Variants in DCDC1 observed in about 807,000 individuals in gnomAD.
The protein encoded by DCDC1 is doublecortin domain-containing protein 1.
A neutral mutation model predicts 178.3 loss-of-function variants in DCDC1; 200 were observed. The observed-to-expected ratio is 1.12, with a 90% CI of 1.00 to 1.26. The LOEUF is 1.26. DCDC1 is among the 50% of genes most tolerant of loss of function. The pLI is 0.00. For synonymous variants in DCDC1, 690 were observed against 604.8 expected, an observed-to-expected ratio of 1.14 and a Z score of -2.07; for missense variants, 1,983 against 1,749.2, an observed-to-expected ratio of 1.13 and a Z score of -2.38.
chr11:31,209,368 A>G (rs557714900), intron 9 of DCDC1, among the ~76,000 whole-genome samples: 4 of 152,338 alleles, frequency 2.6e-5, no homozygotes, highest in Admixed American at 1.3e-4. Context: ...TGAGAGGGGA[A>G]GTAAAACCAG....
chr11:30,952,564 C>A lies in DCDC1; in HGVS notation c.2596G>T (p.Ala866Ser). Residue 866 changes from alanine to serine, a missense_variant, in exon 21 of 39, where the codon GCC (alanine) becomes TCC (serine). By Grantham distance (99) the Ala-to-Ser change is moderately conservative. Transcript: ENST00000684477. ...TTACTGGTTCCTTCATGTTTTATGG[C>A]CCACCTAAAACAAAAGATAAAAAAC... The part of the protein sequence containing the change: ...KHPKASAQRW[A>S]IKHEGTSKPG... 3 of 1,317,762 alleles carry A rather than the reference C, an allele frequency of 2.3e-6. No homozygotes were observed. Among genetic ancestry groups the A allele is most frequent in the Non-Finnish European group, 2.1e-6 (2 of 941,514 alleles). 81.6% of individuals were successfully genotyped at this position (1,317,762 alleles called of 1,614,324 possible). A position where few individuals can be genotyped will look rare whatever the true frequency, so the allele number is the denominator to read the frequency against.
intron 9 of DCDC1, among the ~76,000 whole-genome samples, chr11:31,225,132 T>C (rs1352551230): frequency 1.3e-5 from 2 of 151,972 alleles, no homozygotes; most frequent in Admixed American, 6.6e-5. Context: ...AATCAACAAG[T>C]GGCTAAAGAA....
At chr11:31,354,468 T>C (rs1351413309) in intron 1 of DCDC1, among the ~76,000 whole-genome samples, 1 of 152,214 alleles carries the variant, frequency 6.6e-6, no homozygotes, top group Non-Finnish European at 1.5e-5. Context: ...AAGATGTCAT[T>C]GGAAACTGGA....
At chr11:31,207,550 T>C (rs565323982) in intron 9 of DCDC1, among the ~76,000 whole-genome samples, 121 of 152,314 alleles carry the variant, frequency 7.9e-4, no homozygotes, top group African/African-American at 2.9e-3. Flanking sequence ...CTCCATCCTT[T>C]TCCCTGTTAC....
intron 20 of DCDC1, among the ~76,000 whole-genome samples, chr11:31,047,758 T>C (rs1954945852): frequency 1.3e-5 from 2 of 152,208 alleles, no homozygotes; most frequent in African/African-American, 4.8e-5. Context: ...TAAAGACCAC[T>C]GTAATACTAT....
intron 9 of DCDC1, among the ~76,000 whole-genome samples, chr11:31,202,840 A>G (rs1057360489): frequency 6.6e-6 from 1 of 152,174 alleles, no homozygotes; most frequent in Admixed American, 6.5e-5. Context: ...AAAAGAGGCC[A>G]GGAAAAAACA....
intron 9 of DCDC1, among the ~76,000 whole-genome samples, chr11:31,228,201 C>T (rs1975264671): frequency 1.3e-5 from 2 of 151,862 alleles, no homozygotes; most frequent in African/African-American, 4.8e-5. Context: ...CAAAAATTTT[C>T]AAAGGATTAA....
At chr11:31,125,286 G>T (rs1961440882) in intron 11 of DCDC1, among the ~76,000 whole-genome samples, 1 of 152,108 alleles carries the variant, frequency 6.6e-6, no homozygotes, top group African/African-American at 2.4e-5. Context: ...ACAGAAGCTG[G>T]CAAGGTTGCA....
At chr11:31,214,411 G>T (rs1232139991) in intron 9 of DCDC1, among the ~76,000 whole-genome samples, 1 of 152,128 alleles carries the variant, frequency 6.6e-6, no homozygotes, top group South Asian at 2.1e-4. Flanking sequence ...ACTAATGGTA[G>T]AATTTGATTT....
chr11:31,010,169 C>G (rs757435161), intron 20 of DCDC1, among the ~76,000 whole-genome samples: 2 of 152,208 alleles, frequency 1.3e-5, no homozygotes, highest in African/African-American at 2.4e-5. Flanking sequence ...ATCTTGTGAC[C>G]CAGTCAAGGT....
chr11:30,955,963 A>G (rs1357607870), intron 20 of DCDC1, among the ~76,000 whole-genome samples: 2 of 152,210 alleles, frequency 1.3e-5, no homozygotes, highest in African/African-American at 2.4e-5. Flanking sequence ...TCAGATCACA[A>G]TGTGGTTTGG....
At chr11:31,277,932 T>C (rs1315323459) in intron 7 of DCDC1, among the ~76,000 whole-genome samples, 2 of 152,266 alleles carry the variant, frequency 1.3e-5, no homozygotes, top group African/African-American at 2.4e-5. Flanking sequence ...AGTATAATCA[T>C]TTTTTGTTCA....
At chr11:31,023,613 A>G (rs1159391254) in intron 20 of DCDC1, among the ~76,000 whole-genome samples, 1 of 152,144 alleles carries the variant, frequency 6.6e-6, no homozygotes, top group African/African-American at 2.4e-5. Flanking sequence ...TAAATAATAT[A>G]CAAATGACTC....
At chr11:31,367,416 A>C (rs1258824701) in intron 1 of DCDC1, among the ~76,000 whole-genome samples, 1 of 152,226 alleles carries the variant, frequency 6.6e-6, no homozygotes, top group East Asian at 1.9e-4. Flanking sequence ...CAAACAAACA[A>C]AACCCTGTCT....
chr11:31,183,704 G>T (rs1300602607), intron 9 of DCDC1, among the ~76,000 whole-genome samples: 2 of 151,988 alleles, frequency 1.3e-5, no homozygotes, highest in Non-Finnish European at 2.9e-5. Flanking sequence ...AAAATACCTA[G>T]GAATACAACT....
At chr11:31,145,240 G>A (rs542282763) in intron 9 of DCDC1, among the ~76,000 whole-genome samples, 5 of 152,242 alleles carry the variant, frequency 3.3e-5, no homozygotes, top group Admixed American at 1.3e-4. Context: ...GTGAGAGGAC[G>A]GAGCCAGATA....
chr11:31,264,750 T>G (rs544098645), intron 8 of DCDC1, among the ~76,000 whole-genome samples: 1 of 152,324 alleles, frequency 6.6e-6, no homozygotes, highest in East Asian at 1.9e-4. Context: ...ATTCCTACTC[T>G]GTCAATTCTG....
At chr11:30,915,086 A>C (rs1279387887) in intron 27 of DCDC1, among the ~76,000 whole-genome samples, 1 of 152,186 alleles carries the variant, frequency 6.6e-6, no homozygotes, top group Non-Finnish European at 1.5e-5. Flanking sequence ...TATTTTATGA[A>C]GGTGGAGGAA....
chr11:31,359,891 A>T (rs1951619726), intron 1 of DCDC1, among the ~76,000 whole-genome samples: 1 of 152,182 alleles, frequency 6.6e-6, no homozygotes, highest in Admixed American at 6.5e-5. Context: ...AACAGATCTG[A>T]ACTCAACTGA....
Sources: allele counts gnomAD v4.1 joint callset (sites outside exome capture counted in the v4.1 genomes callset), GRCh38; gene constraint gnomAD v4.1.1; transcripts MANE v1.5; gene names NCBI Gene and HGNC (gene_info 2026-07-23, HGNC 2026-07-21).